Variants in LEKR1 observed in about 807,000 individuals in gnomAD.
LEKR1 encodes the protein protein LEKR1.
A neutral mutation model predicts 72.4 loss-of-function variants in LEKR1; 59 were observed. The ratio of observed to expected loss-of-function variants is 0.82; its 90% CI spans 0.66 to 1.01. LEKR1 has a LOEUF of 1.01. Among genes scored for constraint, LEKR1 ranks in the 50% least tolerant of loss-of-function variants. The probability of loss-of-function intolerance (pLI) is 0.00; values close to 1 mark genes in which losing one functional copy is unlikely to be tolerated. For synonymous variants in LEKR1, 257 were observed against 263.2 expected (o/e 0.98, Z 0.23); for missense variants, 728 against 759.2 (o/e 0.96, Z 0.48).
At chr3:156,943,593 T>C (rs1726422652) in intron 6 of LEKR1, among the ~76,000 whole-genome samples, 1 of 151,854 alleles carries the variant, frequency 6.6e-6, no homozygotes, top group African/African-American at 2.4e-5. Flanking sequence ...CTTGTCCCAC[T>C]GTGTCTATTT....
At chr3:156,910,561 T>C (rs976872714) in intron 3 of LEKR1, among the ~76,000 whole-genome samples, 3 of 152,226 alleles carry the variant, frequency 2.0e-5, no homozygotes, top group Admixed American at 1.3e-4. Context: ...ATCACCCATA[T>C]GTCTAGGTGA....
intron 4 of LEKR1, 21 bp from the exon 5 acceptor site, chr3:156,927,408 T>C (rs1413740311): frequency 5.9e-6 from 2 of 336,604 alleles, no homozygotes; most frequent in African/African-American, 9.7e-5. Flanking sequence ...TAAAATCCTA[T>C]TTTTTTTTTT....
At chr3:156,839,733 G>A (rs1354024025) in intron 2 of LEKR1, among the ~76,000 whole-genome samples, 1 of 152,122 alleles carries the variant, frequency 6.6e-6, no homozygotes, top group African/African-American at 2.4e-5. Context: ...TAGATAATAT[G>A]GCAGAAGGGT....
At chr3:157,015,731 C>T (rs188830102) in intron 10 of LEKR1, among the ~76,000 whole-genome samples, 6 of 152,074 alleles carry the variant, frequency 3.9e-5, no homozygotes, top group Admixed American at 2.6e-4. Context: ...AAAGAAAAAT[C>T]AATAAATAAA....
At chr3:156,919,829 T>A (rs1279691351) in intron 3 of LEKR1, among the ~76,000 whole-genome samples, 1 of 152,170 alleles carries the variant, frequency 6.6e-6, no homozygotes, top group Admixed American at 6.5e-5. Context: ...CAGACATCTT[T>A]TTCCTCATGT....
chr3:156,929,562 G>A (rs908379578), intron 5 of LEKR1, among the ~76,000 whole-genome samples: 16 of 152,036 alleles, frequency 1.1e-4, no homozygotes, highest in South Asian at 2.1e-4. Flanking sequence ...ATGGGATGCC[G>A]CAAATGAACA....
chr3:156,927,927 C>G (rs1320215409), intron 5 of LEKR1, among the ~76,000 whole-genome samples: 1 of 151,852 alleles, frequency 6.6e-6, no homozygotes, highest in African/African-American at 2.4e-5. Context: ...TTATAGATAA[C>G]AACTTTAATT....
At chr3:156,963,396 A>G (rs1333746771) in intron 6 of LEKR1, among the ~76,000 whole-genome samples, 3 of 152,172 alleles carry the variant, frequency 2.0e-5, no homozygotes, top group African/African-American at 4.8e-5. Flanking sequence ...CAGGCACAGA[A>G]CATACCGGCT....
intron 7 of LEKR1, among the ~76,000 whole-genome samples, chr3:156,985,396 G>A (rs919920123): frequency 3.3e-5 from 5 of 152,114 alleles, no homozygotes; most frequent in Non-Finnish European, 2.9e-5. Flanking sequence ...AAGACCCTAC[G>A]TTTCTTGGAA....
chr3:156,957,665 C>T (rs573317881), intron 6 of LEKR1, among the ~76,000 whole-genome samples: 83 of 128,228 alleles, frequency 6.5e-4, no homozygotes, highest in African/African-American at 2.3e-3. Context: ...GTTCTCTGTA[C>T]TTTTCAGATG....
intron 3 of LEKR1, among the ~76,000 whole-genome samples, chr3:156,895,347 CTCACACCTTTAA>C (rs1223879763): frequency 4.3e-4 from 66 of 152,318 alleles, no homozygotes; most frequent in African/African-American, 1.5e-3. Flanking sequence ...GGTGCAGTGG[CTCACACCTTTAA>C]TCCCAGCATT....
At chr3:157,013,327 G>A (rs1255808325) in intron 10 of LEKR1, among the ~76,000 whole-genome samples, 1 of 152,046 alleles carries the variant, frequency 6.6e-6, no homozygotes, top group Non-Finnish European at 1.5e-5. Flanking sequence ...TGGAGAAAAG[G>A]TCTCTGTTTA....
At chr3:156,996,717 A>G (rs1158159376) in intron 9 of LEKR1, among the ~76,000 whole-genome samples, 12 of 152,126 alleles carry the variant, frequency 7.9e-5, no homozygotes, top group Admixed American at 7.9e-4. Context: ...GTCTATGTCA[A>G]GTGGGTAGTA....
intron 12 of LEKR1, among the ~76,000 whole-genome samples, chr3:157,039,022 CT>C (rs1385833395): frequency 6.6e-6 from 1 of 152,138 alleles, no homozygotes; most frequent in African/African-American, 2.4e-5. Context: ...ATTAAAACAG[CT>C]GTTTTTATTG....
rs182510034 is a variant in LEKR1 at position 156,926,902 on chromosome 3, C to A, written c.384-527C>A. On this transcript the variant is annotated intron_variant, in intron 4 of 12. Coordinates refer to ENST00000356539, the MANE Select transcript of LEKR1 (RefSeq NM_001004316.3). ...ATTTGATTATTAAGATAATTAAAAC[C>A]AGAATAAAATCACTGAGATGACAAA... 1.5e-4 allele frequency among the ~76,000 whole-genome samples: 23 copies of A among 151,950 alleles called. No individual in the cohort carries two copies. The East Asian group carries it at 4.2e-3, about 28-fold the overall frequency.
At chr3:156,953,826 C>T (rs550075916) in intron 6 of LEKR1, among the ~76,000 whole-genome samples, 1 of 152,014 alleles carries the variant, frequency 6.6e-6, no homozygotes, top group African/African-American at 2.4e-5. Context: ...CTGCAATGAA[C>T]ATATGCATGC....
chr3:156,908,063 G>A (rs115877472), intron 3 of LEKR1, among the ~76,000 whole-genome samples: 18 of 152,164 alleles, frequency 1.2e-4, no homozygotes, highest in African/African-American at 4.3e-4. Context: ...TTTTTGGCAA[G>A]AATACCACAA....
At chr3:157,016,050 C>T (rs143811687) in intron 10 of LEKR1, among the ~76,000 whole-genome samples, 103 of 151,598 alleles carry the variant, frequency 6.8e-4, no homozygotes, top group African/African-American at 2.4e-3. Flanking sequence ...AAAACAAAAA[C>T]AAACAAAAAA....
chr3:156,924,675 T>C, intron 4 of LEKR1: 1 of 437,130 alleles, frequency 2.3e-6, no homozygotes, highest in Non-Finnish European at 4.0e-6. Context: ...ACGTGGATAT[T>C]CAATTGTTCC....
Sources: gnomAD v4.1 joint callset for allele counts (sites outside exome capture counted in the v4.1 genomes callset) on GRCh38, gnomAD v4.1.1 for gene constraint, MANE v1.5 for transcripts, NCBI Gene and HGNC (gene_info 2026-07-23, HGNC 2026-07-21) for gene names.